The following TMCO5A variants were observed in gnomAD, a reference collection of about 807,000 sequenced individuals.
The protein encoded by TMCO5A is transmembrane and coiled-coil domains 5A.
In TMCO5A, 34 loss-of-function variants were observed where a neutral mutation model predicts 42.3. That is an observed-to-expected ratio of 0.80 (90% confidence interval 0.61 to 1.07). TMCO5A has a LOEUF of 1.07. Ranked by LOEUF, TMCO5A falls within the 50% of genes least tolerant of loss-of-function variation. The pLI is 0.00. For missense variants in TMCO5A, 357 were observed against 327.9 expected (o/e 1.09, Z -0.69); for synonymous variants, 131 against 115.6 (o/e 1.13, Z -0.86).
chr15:37,980,637 CAAAAAAAAAAA>C, the TMCO5A span, among the ~76,000 whole-genome samples: 25 of 83,180 alleles, frequency 3.0e-4, no homozygotes, highest in Admixed American at 1.1e-3. Flanking sequence ...GCCATCTTGG[CAAAAAAAAAAA>C]AAAAAAAAAA....
chr15:37,999,186 G>A, the TMCO5A span, among the ~76,000 whole-genome samples: 1 of 152,314 alleles, frequency 6.6e-6, no homozygotes, highest in African/African-American at 2.4e-5. Flanking sequence ...GATTACAGGC[G>A]TGAGCCACCA....
At chr15:38,037,126 G>A in the TMCO5A span, among the ~76,000 whole-genome samples, 1 of 152,158 alleles carries the variant, frequency 6.6e-6, no homozygotes, top group Non-Finnish European at 1.5e-5. Flanking sequence ...AAATACCAGC[G>A]AGGTGTTAAT....
At chr15:38,021,630 C>A in the TMCO5A span, among the ~76,000 whole-genome samples, 1 of 152,050 alleles carries the variant, frequency 6.6e-6, no homozygotes, top group South Asian at 2.1e-4. Context: ...CAGTGTTCCC[C>A]ACAAGAACCA....
intron 11 of TMCO5A, among the ~76,000 whole-genome samples, chr15:37,958,520 C>T (rs1890347255): frequency 6.6e-6 from 1 of 152,064 alleles, no homozygotes; most frequent in Non-Finnish European, 1.5e-5. Context: ...TAGAGAAATG[C>T]AAATCAAAAC....
At chr15:37,984,039 G>A in the TMCO5A span, among the ~76,000 whole-genome samples, 608 of 152,280 alleles carry the variant, frequency 4.0e-3, 30 homozygotes, top group East Asian at 0.11. Context: ...GAGGTCATGA[G>A]AGGATACATG....
intron 11 of TMCO5A, among the ~76,000 whole-genome samples, chr15:37,965,608 A>C (rs1244864995): frequency 6.6e-6 from 1 of 152,242 alleles, no homozygotes; most frequent in Non-Finnish European, 1.5e-5. Context: ...AGATTTGAAC[A>C]GACATTTCTC....
chr15:37,955,255 T>TAAAAAAAAAAAAAAAAAAAATTAAAAAAA (rs55989832), downstream of TMCO5A, among the ~76,000 whole-genome samples: 3 of 106,266 alleles, frequency 2.8e-5, no homozygotes, highest in Non-Finnish European at 5.8e-5. Flanking sequence ...ATTTAAAGAG[T>TAAAAAAAAAAAAAAAAAAAATTAAAAAAA]AAAAAAAAAA....
chr15:37,997,896 CTG>C, the TMCO5A span, among the ~76,000 whole-genome samples: 1 of 152,222 alleles, frequency 6.6e-6, no homozygotes, highest in Non-Finnish European at 1.5e-5. Flanking sequence ...ATTTGAATAA[CTG>C]GGGTGAGATT....
intron 6 of TMCO5A, among the ~76,000 whole-genome samples, chr15:37,940,914 T>C (rs1039423091): frequency 3.9e-5 from 6 of 152,154 alleles, no homozygotes; most frequent in East Asian, 3.9e-4. Flanking sequence ...AAGCTCAGAA[T>C]TGAAGTTTAG....
At chr15:37,976,544 A>G in the TMCO5A span, among the ~76,000 whole-genome samples, 4 of 152,132 alleles carry the variant, frequency 2.6e-5, no homozygotes, top group African/African-American at 9.7e-5. Flanking sequence ...AGGATAGCCA[A>G]TGAGTCATAG....
chr15:37,947,903 T>C (rs1890020980), intron 11 of TMCO5A, among the ~76,000 whole-genome samples: 1 of 152,130 alleles, frequency 6.6e-6, no homozygotes, highest in South Asian at 2.1e-4. Context: ...ATTAATAATC[T>C]CAACTTTCCA....
At chr15:37,995,233 A>C in the TMCO5A span, among the ~76,000 whole-genome samples, 1 of 151,592 alleles carries the variant, frequency 6.6e-6, no homozygotes. Context: ...TACAGAGGTA[A>C]AAAAAAAATC....
the TMCO5A span, among the ~76,000 whole-genome samples, chr15:37,975,388 T>G: frequency 6.6e-6 from 1 of 151,568 alleles, no homozygotes; most frequent in Non-Finnish European, 1.5e-5. Flanking sequence ...TTGTAGGTCT[T>G]TAAGAAATTG....
downstream of TMCO5A, among the ~76,000 whole-genome samples, chr15:37,953,585 C>A (rs1382406384): frequency 1.3e-5 from 2 of 151,926 alleles, no homozygotes; most frequent in East Asian, 3.9e-4. Flanking sequence ...GGAAGGCCTT[C>A]CCAAGTAGAA....
chr15:38,007,932 G>T, the TMCO5A span, among the ~76,000 whole-genome samples: 1 of 107,706 alleles, frequency 9.3e-6, no homozygotes, highest in African/African-American at 3.6e-5. Flanking sequence ...GTCTCTCTCT[G>T]TTGCCCAGGC....
Position 37,936,978 on chromosome 15 carries a change from A to G in TMCO5A, c.264+8A>G. 1.2e-6 allele frequency: 2 copies of G among 1,611,794 alleles called. No individual in the cohort carries two copies. On this transcript the variant is annotated splice_region_variant and intron_variant, in intron 4 of 11. Coordinates refer to ENST00000319669, the MANE Select transcript of TMCO5A (RefSeq NM_152453.4). Reference sequence around the variant, plus strand: ...GAAGAAACAGCCAGACTTGTAAGCAAGAAGTTGGGAAGAGCCATTTAATAG... The same window carrying G: ...GAAGAAACAGCCAGACTTGTAAGCAGGAAGTTGGGAAGAGCCATTTAATAG...
chr15:38,026,316 T>G, the TMCO5A span, among the ~76,000 whole-genome samples: 1 of 152,160 alleles, frequency 6.6e-6, no homozygotes, highest in Non-Finnish European at 1.5e-5. Context: ...AGGAACTTTT[T>G]GGGGACTGGA....
At chr15:37,937,230 CAA>C in intron 4 of TMCO5A, 114 bp from the exon 5 acceptor site, 1 of 1,252,470 alleles carries the variant, frequency 8.0e-7, no homozygotes, top group Non-Finnish European at 1.1e-6. Flanking sequence ...TGACATTATG[CAA>C]ATAAGGTCAA....
chr15:37,982,174 G>A, the TMCO5A span, among the ~76,000 whole-genome samples: 10 of 152,164 alleles, frequency 6.6e-5, no homozygotes, highest in Admixed American at 1.3e-4. Flanking sequence ...GTGGAAAACA[G>A]ATAGATGTGG....
Sources: allele counts gnomAD v4.1 joint callset (sites outside exome capture counted in the v4.1 genomes callset), GRCh38; gene constraint gnomAD v4.1.1; transcripts MANE v1.5; gene names NCBI Gene and HGNC (gene_info 2026-07-23, HGNC 2026-07-21).